LNP1: variants seen among roughly 807,000 people sequenced by gnomAD.
LNP1 encodes the protein leukemia NUP98 fusion partner 1.
A neutral mutation model predicts 14.5 loss-of-function variants in LNP1; 12 were observed. The observed-to-expected ratio is 0.83, with a 90% CI of 0.53 to 1.34. The LOEUF (loss-of-function observed/expected upper bound fraction) is 1.34, where lower values mean the gene tolerates loss of function less well. LNP1 is among the 40% of genes most tolerant of loss of function. The pLI, the probability that LNP1 is intolerant of heterozygous loss-of-function variation, is 0.00. For missense variants in LNP1, 198 were observed against 210.9 expected (o/e 0.94, Z 0.38); for synonymous variants, 75 against 71.4 (o/e 1.05, Z -0.26).
chr3:100,419,487 C>T (rs763634988), intron 1 of LNP1, among the ~76,000 whole-genome samples: 4 of 152,078 alleles, frequency 2.6e-5, no homozygotes, highest in African/African-American at 7.2e-5. Flanking sequence ...GCTATGCACA[C>T]ACTCATTTGT....
At chr3:100,447,053 G>A (rs899481593) in intron 2 of LNP1, among the ~76,000 whole-genome samples, 2 of 152,114 alleles carry the variant, frequency 1.3e-5, no homozygotes, top group Admixed American at 6.6e-5. Context: ...ATTCCTCAAG[G>A]ATCTAGAACT....
chr3:100,423,755 G>A (rs1336970670), intron 1 of LNP1, among the ~76,000 whole-genome samples: 1 of 152,086 alleles, frequency 6.6e-6, no homozygotes, highest in Non-Finnish European at 1.5e-5. Context: ...CAGCTCAGAA[G>A]CTGCAGCTGT....
chr3:100,447,376 A>G (rs1232882004), intron 2 of LNP1, among the ~76,000 whole-genome samples: 1 of 151,912 alleles, frequency 6.6e-6, no homozygotes, highest in Non-Finnish European at 1.5e-5. Context: ...GCATGTTCTC[A>G]CTCATAGGTG....
intron 2 of LNP1, among the ~76,000 whole-genome samples, chr3:100,432,037 T>TA (rs1559843921): frequency 4.9e-5 from 5 of 101,902 alleles, no homozygotes; most frequent in African/African-American, 2.1e-4. Flanking sequence ...TATATATATA[T>TA]ATATATATAT....
intron 1 of LNP1, among the ~76,000 whole-genome samples, chr3:100,416,090 G>T (rs1258114089): frequency 6.6e-6 from 1 of 152,222 alleles, no homozygotes; most frequent in Non-Finnish European, 1.5e-5. Context: ...GCAGAAGGCA[G>T]ATAATGTCTG....
intron 1 of LNP1, among the ~76,000 whole-genome samples, chr3:100,413,009 AC>A (rs566392687): frequency 9.4e-4 from 143 of 152,342 alleles, no homozygotes; most frequent in Non-Finnish European, 1.7e-3. Context: ...ACAGTCTGGT[AC>A]CACCATTGCT....
intron 1 of LNP1, among the ~76,000 whole-genome samples, chr3:100,405,946 C>G (rs1328205283): frequency 6.6e-6 from 1 of 152,182 alleles, no homozygotes; most frequent in Non-Finnish European, 1.5e-5. Flanking sequence ...TCATACACCT[C>G]TTCTCTTTCT....
intron 1 of LNP1, among the ~76,000 whole-genome samples, chr3:100,404,405 T>TAGCC (rs1706943764): frequency 6.6e-6 from 1 of 152,238 alleles, no homozygotes; most frequent in South Asian, 2.1e-4. Context: ...TGGTAGCCAC[T>TAGCC]AGCCACATGT....
chr3:100,407,006 A>T (rs780683859), intron 1 of LNP1, among the ~76,000 whole-genome samples: 3 of 152,182 alleles, frequency 2.0e-5, no homozygotes, highest in Non-Finnish European at 2.9e-5. Context: ...TCACAATTTA[A>T]GTATTTTTAT....
intron 2 of LNP1, among the ~76,000 whole-genome samples, chr3:100,437,890 T>C (rs761878889): frequency 2.6e-5 from 4 of 152,230 alleles, no homozygotes; most frequent in Non-Finnish European, 4.4e-5. Context: ...AGATGTCACA[T>C]GCTTAGGCAT....
At chr3:100,431,507 A>C (rs1357642457) in intron 2 of LNP1, among the ~76,000 whole-genome samples, 2 of 152,204 alleles carry the variant, frequency 1.3e-5, no homozygotes, top group African/African-American at 4.8e-5. Flanking sequence ...GGATTAAAAA[A>C]GTTAAAAATA....
intron 1 of LNP1, among the ~76,000 whole-genome samples, chr3:100,410,183 G>T (rs1424067570): frequency 6.6e-6 from 1 of 152,124 alleles, no homozygotes; most frequent in Admixed American, 6.5e-5. Context: ...AGCCAACATT[G>T]TTGTGAGGGA....
intron 3 of LNP1, among the ~76,000 whole-genome samples, chr3:100,453,732 T>C (rs1576238796): frequency 1.3e-5 from 2 of 152,134 alleles, no homozygotes; most frequent in Non-Finnish European, 2.9e-5. Context: ...TGTTAACATG[T>C]CCCTATTTGC....
At chr3:100,426,618 T>C (rs554971711) in intron 1 of LNP1, among the ~76,000 whole-genome samples, 1 of 152,318 alleles carries the variant, frequency 6.6e-6, no homozygotes, top group South Asian at 2.1e-4. Context: ...ATTAGCAAAC[T>C]AAAAACTGCT....
At chr3:100,422,608 GTT>G (rs1707154750) in intron 1 of LNP1, among the ~76,000 whole-genome samples, 1 of 152,130 alleles carries the variant, frequency 6.6e-6, no homozygotes, top group Non-Finnish European at 1.5e-5. Context: ...TCAGGGCTGT[GTT>G]TGAAGGTCTC....
intron 2 of LNP1, among the ~76,000 whole-genome samples, chr3:100,441,884 C>G (rs940757944): frequency 6.6e-6 from 1 of 151,986 alleles, no homozygotes; most frequent in East Asian, 1.9e-4. Flanking sequence ...AGGCTGGTCT[C>G]AAACTCCTGA....
At chr3:100,409,606 ATTTTTT>A (rs201827312) in intron 1 of LNP1, among the ~76,000 whole-genome samples, 1 of 124,436 alleles carries the variant, frequency 8.0e-6, no homozygotes, top group African/African-American at 3.2e-5. Context: ...ATATATATAT[ATTTTTT>A]TTTTTTTTGA....
At chr3:100,416,599 T>TGTG (rs1553740770) in intron 1 of LNP1, among the ~76,000 whole-genome samples, 3,219 of 94,624 alleles carry the variant, frequency 0.034, 73 homozygotes, top group African/African-American at 0.045. Flanking sequence ...TATATCTTTT[T>TGTG]TGTGTGTGTG....
At chr3:100,437,981 T>G (rs1035760950) in intron 2 of LNP1, among the ~76,000 whole-genome samples, 3 of 152,170 alleles carry the variant, frequency 2.0e-5, no homozygotes, top group African/African-American at 7.2e-5. Flanking sequence ...ATTTTCCTCA[T>G]ATGTAAAAGG....
Sources: gnomAD v4.1 joint callset for allele counts (sites outside exome capture counted in the v4.1 genomes callset) on GRCh38, gnomAD v4.1.1 for gene constraint, MANE v1.5 for transcripts, NCBI Gene and HGNC (gene_info 2026-07-23, HGNC 2026-07-21) for gene names.